The following LRMDA variants were observed in gnomAD, a reference collection of about 807,000 sequenced individuals.
LRMDA encodes leucine rich melanocyte differentiation associated, also known as leucine-rich melanocyte differentiation-associated protein.
LRMDA carries 18 observed loss-of-function variants against 29.8 expected under a neutral mutation model. The observed-to-expected ratio is 0.60, with a 90% CI of 0.42 to 0.90. The LOEUF is 0.90. LRMDA is among the 40% of genes least tolerant of loss of function. LRMDA has a pLI of 0.00. For synonymous variants in LRMDA, 125 were observed against 109.4 expected (o/e 1.14, Z -0.89); for missense variants, 273 against 273.9 (o/e 1.00, Z 0.02).
intron 2 of LRMDA, among the ~76,000 whole-genome samples, chr10:75,865,686 G>A (rs981700020): frequency 6.6e-6 from 1 of 152,146 alleles, no homozygotes; most frequent in African/African-American, 2.4e-5. Flanking sequence ...TTTATAGGAA[G>A]CCATTACTCA....
At chr10:75,692,488 CATATATGT>C (rs1842180339) in intron 2 of LRMDA, among the ~76,000 whole-genome samples, 1 of 149,100 alleles carries the variant, frequency 6.7e-6, no homozygotes, top group Non-Finnish European at 1.5e-5. Context: ...CACACGTATA[CATATATGT>C]ATATATGTAT....
At chr10:76,138,204 T>C (rs1363728690) in intron 5 of LRMDA, among the ~76,000 whole-genome samples, 2 of 151,978 alleles carry the variant, frequency 1.3e-5, no homozygotes, top group African/African-American at 4.8e-5. Flanking sequence ...AGCAACTTTT[T>C]CCCCCCAGTG....
intron 6 of LRMDA, among the ~76,000 whole-genome samples, chr10:76,348,310 G>A (rs1348071552): frequency 6.6e-6 from 1 of 152,184 alleles, no homozygotes; most frequent in Non-Finnish European, 1.5e-5. Context: ...CACGGGCAAT[G>A]TGGTAGAGTG....
intron 2 of LRMDA, among the ~76,000 whole-genome samples, chr10:75,735,328 T>C (rs940569688): frequency 1.9e-4 from 29 of 152,082 alleles, no homozygotes; most frequent in Non-Finnish European, 2.8e-4. Context: ...AAATGAGAAG[T>C]AGAGGGTGGC....
At chr10:75,536,290 A>G (rs1390507960) in intron 2 of LRMDA, among the ~76,000 whole-genome samples, 1 of 151,914 alleles carries the variant, frequency 6.6e-6, no homozygotes, top group East Asian at 1.9e-4. Flanking sequence ...GCTCTACACA[A>G]CTGTATATTG....
intron 6 of LRMDA, among the ~76,000 whole-genome samples, chr10:76,489,799 C>T (rs1212798078): frequency 1.3e-5 from 2 of 151,646 alleles, no homozygotes; most frequent in Non-Finnish European, 2.9e-5. Flanking sequence ...AGAATGTACT[C>T]ATGTAAACAA....
At chr10:76,320,688 G>C (rs945080360) in intron 5 of LRMDA, among the ~76,000 whole-genome samples, 2 of 152,178 alleles carry the variant, frequency 1.3e-5, no homozygotes, top group Non-Finnish European at 2.9e-5. Flanking sequence ...AACACATGTA[G>C]AGATCATCCA....
intron 2 of LRMDA, 80 bp downstream of exon 2, chr10:75,438,574 T>G (rs1844289089): frequency 2.8e-6 from 3 of 1,089,130 alleles, no homozygotes; most frequent in Non-Finnish European, 4.1e-6. Flanking sequence ...CAGATAAAAG[T>G]CAAATGTTCC....
At chr10:76,539,795 A>G (rs922947263) in intron 6 of LRMDA, among the ~76,000 whole-genome samples, 2 of 152,178 alleles carry the variant, frequency 1.3e-5, no homozygotes, top group Non-Finnish European at 2.9e-5. Context: ...AGTGCTGTCT[A>G]TATGAAGAGG....
At chr10:75,784,094 G>A (rs1843430070) in intron 2 of LRMDA, among the ~76,000 whole-genome samples, 1 of 152,298 alleles carries the variant, frequency 6.6e-6, no homozygotes. Flanking sequence ...ATGTGTCTGG[G>A]TTCATATGAT....
chr10:76,112,722 A>T (rs1849602261), intron 5 of LRMDA, among the ~76,000 whole-genome samples: 1 of 152,152 alleles, frequency 6.6e-6, no homozygotes, highest in Admixed American at 6.5e-5. Flanking sequence ...TGCAATCTTA[A>T]TGCCAGAACG....
At chr10:76,213,458 T>C (rs74870768) in intron 5 of LRMDA, among the ~76,000 whole-genome samples, 2,460 of 152,358 alleles carry the variant, frequency 0.016, 61 homozygotes, top group African/African-American at 0.052. Context: ...GAGATTTCTC[T>C]TCAATGGCAC....
chr10:76,460,194 A>G (rs568615752), intron 6 of LRMDA, among the ~76,000 whole-genome samples: 63 of 152,326 alleles, frequency 4.1e-4, no homozygotes, highest in African/African-American at 1.2e-3. Context: ...AACTGTCAGG[A>G]GAGCTTTGAA....
In LRMDA at chr10:76,271,422, T is replaced by A. The variant is rs111260496; in HGVS notation, c.517-52979T>A. The stretch of plus-strand genomic sequence containing the variant: ...GACCCTGTCTTGGAAAAAAAAAAAA[T>A]TCCTACCTTATAAAATTTCCATGCT... On this transcript the variant is annotated intron_variant, in intron 5 of 6. Transcript: ENST00000611255. Among the ~76,000 whole-genome samples the A allele has an allele frequency of 2.1e-3, 325 of 151,518 alleles. 3 individuals are homozygous for A. The highest frequency in any genetic ancestry group is 7.1e-3 in the African/African-American group (291 of 41,162).
At chr10:75,708,264 G>A (rs1279251508) in intron 2 of LRMDA, among the ~76,000 whole-genome samples, 3 of 152,158 alleles carry the variant, frequency 2.0e-5, no homozygotes, top group Admixed American at 2.0e-4. Flanking sequence ...CAGCTTCGTC[G>A]ATCTGTCTCC....
chr10:76,393,848 G>A lies in LRMDA; in HGVS notation c.601+69363G>A, dbSNP rs185867808. 4.4e-3 allele frequency among the ~76,000 whole-genome samples: 667 copies of A among 152,234 alleles called. 5 individuals carry two copies. Among genetic ancestry groups the A allele is most frequent in the African/African-American group, 0.015 (628 of 41,538 alleles). ...GAGTTGATTTTATTATATGGTATGA[G>A]ATAAGGGTCTAATTTTTTTCTTCTG... On this transcript the variant is annotated intron_variant, in intron 6 of 6. Transcript: ENST00000611255.
intron 2 of LRMDA, among the ~76,000 whole-genome samples, chr10:76,008,302 C>T (rs953516920): frequency 6.6e-6 from 1 of 152,116 alleles, no homozygotes; most frequent in African/African-American, 2.4e-5. Context: ...TGCCTGTAGA[C>T]TGAATAAAAT....
At chr10:75,441,394 A>G (rs957677501) in intron 2 of LRMDA, among the ~76,000 whole-genome samples, 4 of 152,124 alleles carry the variant, frequency 2.6e-5, no homozygotes, top group African/African-American at 9.7e-5. Flanking sequence ...CCCACTCTGG[A>G]CACACCCTTC....
chr10:75,942,025 C>G (rs921416693), intron 2 of LRMDA, among the ~76,000 whole-genome samples: 1 of 152,064 alleles, frequency 6.6e-6, no homozygotes, highest in Admixed American at 6.5e-5. Context: ...GTAATCACAG[C>G]GTGTAGGGTT....
Sources: gnomAD v4.1 joint callset for allele counts (sites outside exome capture counted in the v4.1 genomes callset) on GRCh38, gnomAD v4.1.1 for gene constraint, MANE v1.5 for transcripts, NCBI Gene and HGNC (gene_info 2026-07-23, HGNC 2026-07-21) for gene names.